Variants in TBC1D5 observed in about 807,000 individuals in gnomAD.
TBC1D5 encodes the protein TBC1 domain family, member 5.
Under a neutral mutation model 100.3 loss-of-function variants are expected in TBC1D5, and 75 were observed. That is an observed-to-expected ratio of 0.75 (90% confidence interval 0.62 to 0.91). TBC1D5 has a LOEUF of 0.91. TBC1D5 is among the 40% of genes least tolerant of loss of function. TBC1D5 has a pLI of 0.00. For missense variants in TBC1D5, 910 were observed against 942.4 expected, an observed-to-expected ratio of 0.97 and a Z score of 0.45; for synonymous variants, 323 against 325.6, an observed-to-expected ratio of 0.99 and a Z score of 0.09.
At chr3:17,658,034 C>A (rs369946416) in intron 1 of TBC1D5, among the ~76,000 whole-genome samples, 4 of 152,194 alleles carry the variant, frequency 2.6e-5, no homozygotes, top group African/African-American at 9.7e-5. Context: ...TGTGTTACAA[C>A]TGCCTACAGT....
At chr3:17,676,700 C>G (rs1577397740) in intron 1 of TBC1D5, among the ~76,000 whole-genome samples, 1 of 152,172 alleles carries the variant, frequency 6.6e-6, no homozygotes, top group African/African-American at 2.4e-5. Context: ...CCAAGACAAT[C>G]CTAAGCAAAA....
At chr3:17,278,791 T>C (rs1261425268) in intron 15 of TBC1D5, among the ~76,000 whole-genome samples, 1 of 152,252 alleles carries the variant, frequency 6.6e-6, no homozygotes, top group Non-Finnish European at 1.5e-5. Context: ...TTCCTTAATG[T>C]TAATTAGCTC....
intron 2 of TBC1D5, among the ~76,000 whole-genome samples, chr3:17,617,272 C>T (rs1327366502): frequency 1.3e-5 from 2 of 152,186 alleles, no homozygotes; most frequent in African/African-American, 4.8e-5. Flanking sequence ...TGATGGGCTC[C>T]CCTTTGTGGG....
chr3:17,548,352 T>C (rs1158525508), intron 2 of TBC1D5, among the ~76,000 whole-genome samples: 1 of 152,046 alleles, frequency 6.6e-6, no homozygotes, highest in Non-Finnish European at 1.5e-5. Flanking sequence ...CATATATCAG[T>C]AGAAAACAAG....
intron 2 of TBC1D5, among the ~76,000 whole-genome samples, chr3:17,539,271 A>T (rs1318587986): frequency 2.0e-5 from 3 of 152,210 alleles, no homozygotes; most frequent in African/African-American, 7.2e-5. Flanking sequence ...GGTTCTTATT[A>T]TGCAGATGAA....
At chr3:17,413,703 A>T (rs2093995026) in intron 4 of TBC1D5, among the ~76,000 whole-genome samples, 1 of 152,196 alleles carries the variant, frequency 6.6e-6, no homozygotes, top group Non-Finnish European at 1.5e-5. Context: ...AGGCTTCTGA[A>T]TCATTGTCCC....
chr3:17,686,084 G>A (rs1005301377), intron 1 of TBC1D5, among the ~76,000 whole-genome samples: 1 of 152,086 alleles, frequency 6.6e-6, no homozygotes, highest in Non-Finnish European at 1.5e-5. Flanking sequence ...ACAATTGGCG[G>A]GATTTCAGAC....
intron 14 of TBC1D5, among the ~76,000 whole-genome samples, chr3:17,296,062 T>C (rs567508592): frequency 6.6e-6 from 1 of 152,174 alleles, no homozygotes; most frequent in Non-Finnish European, 1.5e-5. Context: ...AGCAAGTTCA[T>C]GACAGGGGTA....
intron 15 of TBC1D5, among the ~76,000 whole-genome samples, chr3:17,260,396 G>A (rs1443099409): frequency 1.3e-5 from 2 of 152,150 alleles, no homozygotes; most frequent in Non-Finnish European, 2.9e-5. Flanking sequence ...ACAGAGTGCT[G>A]ATCTATCTAA....
At chr3:17,336,063 G>A (rs996038611) in intron 13 of TBC1D5, among the ~76,000 whole-genome samples, 15 of 152,000 alleles carry the variant, frequency 9.9e-5, no homozygotes, top group African/African-American at 3.4e-4. Flanking sequence ...AACAGTGTAC[G>A]TCTAGTGACA....
chr3:17,606,043 C>G (rs2061316307), intron 2 of TBC1D5, among the ~76,000 whole-genome samples: 1 of 152,160 alleles, frequency 6.6e-6, no homozygotes, highest in African/African-American at 2.4e-5. Flanking sequence ...AAGTAGGTCT[C>G]TCATTTCATG....
At chr3:17,186,282 T>TAATAGTTGAA (rs2069060799) in intron 18 of TBC1D5, among the ~76,000 whole-genome samples, 1 of 152,226 alleles carries the variant, frequency 6.6e-6, no homozygotes, top group Non-Finnish European at 1.5e-5. Flanking sequence ...GCATGGAAAT[T>TAATAGTTGAA]AATAGTTGAA....
chr3:17,201,129 T>A (rs1290662723), intron 18 of TBC1D5, among the ~76,000 whole-genome samples: 2 of 150,868 alleles, frequency 1.3e-5, no homozygotes, highest in African/African-American at 5.0e-5. Context: ...AGGTCCTGAT[T>A]TTTTCCAACA....
intron 2 of TBC1D5, among the ~76,000 whole-genome samples, chr3:17,529,172 T>C (rs1384502444): frequency 6.6e-6 from 1 of 151,418 alleles, no homozygotes; most frequent in African/African-American, 2.5e-5. Context: ...TCTAAGAGAA[T>C]CTACAAGCCC....
intron 3 of TBC1D5, among the ~76,000 whole-genome samples, chr3:17,460,345 T>C (rs2149901477): frequency 6.6e-6 from 1 of 152,328 alleles, no homozygotes; most frequent in South Asian, 2.1e-4. Flanking sequence ...GATGCATTCA[T>C]CCTTCCACAT....
chr3:17,393,793 C>G (rs770019833), intron 8 of TBC1D5, among the ~76,000 whole-genome samples: 3 of 152,064 alleles, frequency 2.0e-5, no homozygotes, highest in Non-Finnish European at 4.4e-5. Context: ...GAGCCTGGAC[C>G]CCTTCCTTAC....
intron 13 of TBC1D5, among the ~76,000 whole-genome samples, chr3:17,315,157 T>C (rs1275570055): frequency 6.6e-6 from 1 of 152,256 alleles, no homozygotes; most frequent in Non-Finnish European, 1.5e-5. Context: ...ATCTTCAAAC[T>C]GGCTCACTCT....
intron 1 of TBC1D5, among the ~76,000 whole-genome samples, chr3:17,625,780 A>C (rs929709508): frequency 3.3e-5 from 5 of 152,090 alleles, no homozygotes; most frequent in African/African-American, 1.2e-4. Flanking sequence ...TGAAGCAAAA[A>C]AATAATGTAT....
intron 9 of TBC1D5, among the ~76,000 whole-genome samples, chr3:17,378,957 T>TA (rs1271956752): frequency 6.6e-6 from 1 of 151,902 alleles, no homozygotes; most frequent in African/African-American, 2.4e-5. Flanking sequence ...CCATCTTTAG[T>TA]AAAAAATAAA....
Sources: allele counts gnomAD v4.1 joint callset (sites outside exome capture counted in the v4.1 genomes callset), GRCh38; gene constraint gnomAD v4.1.1; transcripts MANE v1.5; gene names NCBI Gene and HGNC (gene_info 2026-07-23, HGNC 2026-07-21).